CTTN: variants seen among roughly 807,000 people sequenced by gnomAD.
CTTN encodes the protein src substrate cortactin.
Under a neutral mutation model 84.0 loss-of-function variants are expected in CTTN, and 28 were observed. The observed-to-expected ratio is 0.33, with a 90% confidence interval of 0.25 to 0.46. CTTN has a LOEUF of 0.46. Ranked by LOEUF, CTTN falls within the 20% of genes least tolerant of loss-of-function variation. The pLI is 1.00. For synonymous variants in CTTN, 301 were observed against 288.8 expected (o/e 1.04, Z -0.43); for missense variants, 641 against 723.8 (o/e 0.89, Z 1.31).
rs775802735 is a variant in CTTN, at chr11:70,407,284, G to A, written c.1-14G>A. On this transcript the variant is annotated splice_polypyrimidine_tract_variant and intron_variant, in intron 2 of 17. Coordinates refer to ENST00000301843, the MANE Select transcript of CTTN (RefSeq NM_005231.4). ...CCCTGAGGCCTCCGTAACCCTCCCC[G>A]GCTGCTCTTTCAGATGTGGAAAGCT... 28 of 1,549,492 alleles carry A rather than the reference G, an allele frequency of 1.8e-5. No individual in the cohort carries two copies. Among genetic ancestry groups the A allele is most frequent in the Non-Finnish European group, 2.3e-5 (26 of 1,146,738 alleles).
At chr11:70,425,507 C>A in intron 13 of CTTN, 106 bp downstream of exon 13, 2 of 784,116 alleles carry the variant, frequency 2.6e-6, no homozygotes, top group Non-Finnish European at 4.3e-6. Context: ...TAGTTGAAAG[C>A]GTGGTTGTTG....
intron 5 of CTTN, 61 bp downstream of exon 5, chr11:70,410,021 G>A (rs966468514): frequency 6.3e-7 from 1 of 1,584,984 alleles, no homozygotes; most frequent in Non-Finnish European, 8.6e-7. Flanking sequence ...TAGACTGGGT[G>A]GCAGAGTCGT....
intron 9 of CTTN, chr11:70,420,189 G>A: frequency 1.7e-6 from 1 of 604,046 alleles, no homozygotes; most frequent in Middle Eastern, 3.9e-4. Flanking sequence ...GTCTGGCTTA[G>A]TCACGATGCT....
Position 70,435,071 on chromosome 11 carries a change from A to G in CTTN, c.1562A>G (p.Asn521Ser). 6.2e-7 allele frequency: 1 copy of G among 1,614,056 alleles called. No homozygotes were observed. Among genetic ancestry groups the G allele is most frequent in the Non-Finnish European group, 8.5e-7 (1 of 1,180,014 alleles). Reference protein sequence around the residue: ...ISFDPDDIITNIEMIDDGWWR... With the variant: ...ISFDPDDIITSIEMIDDGWWR... ...TTTGACCCTGATGACATCATCACCA[A>G]CATCGAGATGATTGACGACGGCTGG... Residue 521 changes from asparagine to serine, a missense_variant, in exon 18 of 18, where the codon AAC (asparagine) becomes AGC (serine). This residue lies in a region of CTTN where 68 missense variants were observed against 102.2 expected (regional missense o/e 0.67). Transcript: ENST00000301843.
intron 13 of CTTN, among the ~76,000 whole-genome samples, chr11:70,425,748 G>T (rs1205915988): frequency 2.6e-5 from 4 of 152,208 alleles, no homozygotes; most frequent in Non-Finnish European, 1.5e-5. Context: ...GAGCCGCTCG[G>T]TCGCAGCTGT....
At chr11:70,409,539 G>C (rs1393413521) in intron 4 of CTTN, among the ~76,000 whole-genome samples, 2 of 152,228 alleles carry the variant, frequency 1.3e-5, no homozygotes, top group South Asian at 2.1e-4. Context: ...TAAAGGTCAG[G>C]CTTCAGTAGA....
chr11:70,405,064 T>C (rs1215492799), intron 1 of CTTN, among the ~76,000 whole-genome samples: 2 of 152,248 alleles, frequency 1.3e-5, no homozygotes, highest in Non-Finnish European at 2.9e-5. Flanking sequence ...TTAAAACTTA[T>C]TTCTTTAGTT....
At chr11:70,411,422 C>T (rs2058095424) in intron 5 of CTTN, among the ~76,000 whole-genome samples, 2 of 151,344 alleles carry the variant, frequency 1.3e-5, no homozygotes, top group African/African-American at 4.9e-5. Context: ...TTCAGTGCAG[C>T]GAGCGAAGCG....
intron 5 of CTTN, 46 bp from the exon 6 acceptor site, chr11:70,414,496 G>T (rs538277323): frequency 7.9e-6 from 11 of 1,390,958 alleles, no homozygotes; most frequent in African/African-American, 1.4e-5. Context: ...GTGAAGCGCC[G>T]CAGTGTTGTT....
Position 70,435,303 on chromosome 11 carries a change from A to G in CTTN, c.*141A>G. ...TGAAGGTGGGGAGGGGAATATACAC[A>G]TTGCTTTTATATTTAATACTTTTGC... On this transcript the variant is annotated 3_prime_UTR_variant, in exon 18 of 18. Coordinates refer to ENST00000301843, the MANE Select transcript of CTTN (RefSeq NM_005231.4). 2 of 1,355,040 alleles carry G rather than the reference A, an allele frequency of 1.5e-6. No homozygotes were observed. The highest frequency in any genetic ancestry group is 1.9e-6 in the Non-Finnish European group (2 of 1,060,034). The allele number at this position is 1,355,040 out of a possible 1,614,324, so 83.9% of individuals were successfully genotyped here. A position where few individuals can be genotyped will look rare whatever the true frequency, so the allele number is the denominator to read the frequency against.
chr11:70,434,522 G>A (rs1013264724), intron 17 of CTTN, among the ~76,000 whole-genome samples: 8 of 152,282 alleles, frequency 5.3e-5, no homozygotes, highest in African/African-American at 1.9e-4. Flanking sequence ...TTTTGCACAC[G>A]TGCATTTGCG....
In CTTN at chr11:70,425,371, G is replaced by C; in HGVS notation, c.997G>C (p.Ala333Pro). 1 of 1,612,734 alleles carries C rather than the reference G, an allele frequency of 6.2e-7. No individual in the cohort carries two copies. Among genetic ancestry groups the C allele is most frequent in the Non-Finnish European group, 8.5e-7 (1 of 1,179,458 alleles). The change falls in exon 13 of 18, where the codon GCC becomes CCC. Residue 333 changes from alanine (A) to proline (P), a missense_variant. Around this residue, in one of 3 missense-constraint regions of CTTN, gnomAD observed 289 missense variants for 273.1 expected, o/e 1.06. Transcript: ENST00000301843. Reference sequence around the variant, plus strand: ...TGAGGATGTCACCCAGGTGTCCTCTGCCTACCAGAAGACAGTACCTGTCGA... The same window carrying C: ...TGAGGATGTCACCCAGGTGTCCTCTCCCTACCAGAAGACAGTACCTGTCGA... ...TFEDVTQVSSAYQKTVPVEAV... is the reference protein window; with the variant it reads ...TFEDVTQVSSPYQKTVPVEAV...
rs1457398302 is a variant in CTTN at position 70,411,259 on chromosome 11, A to G, written c.291+1299A>G. 7.7e-5 allele frequency among the ~76,000 whole-genome samples: 9 copies of G among 117,496 alleles called. No homozygotes were observed. In the East Asian group the frequency reaches 1.1e-3, roughly 14 times the overall value. The allele number at this position is 117,496 out of a possible 152,430, so 77.1% of individuals were successfully genotyped here. The stretch of plus-strand genomic sequence containing the variant: ...GTGTGCACACGGACAGACGGAATCC[A>G]TGTGTTCAGTGCAGCGAGCGAAGCG... On this transcript the variant is annotated intron_variant, in intron 5 of 17. Coordinates refer to ENST00000301843, the MANE Select transcript of CTTN (RefSeq NM_005231.4).
intron 2 of CTTN, 152 bp from the exon 3 acceptor site, chr11:70,407,146 C>T (rs1434495477): frequency 1.7e-6 from 1 of 597,904 alleles, no homozygotes; most frequent in Non-Finnish European, 2.9e-6. Flanking sequence ...GGTTGTCAGT[C>T]AGGCTTATGG....
Position 70,435,353 on chromosome 11 carries a change from C to A in CTTN, c.*191C>A. ...CTGATGCTTTTGAAAATGTTTATGC[C>A]ACAGAATTTGCTAATATATTGTAAT... On this transcript the variant is annotated 3_prime_UTR_variant, in exon 18 of 18. Transcript: ENST00000301843. The A allele has an allele frequency of 6.8e-7, 1 of 1,462,906 alleles. No homozygotes were observed. Among genetic ancestry groups the A allele is most frequent in the Non-Finnish European group, 9.0e-7 (1 of 1,115,292 alleles). The allele number at this position is 1,462,906 out of a possible 1,614,324, so 90.6% of individuals were successfully genotyped here. A position where few individuals can be genotyped will look rare whatever the true frequency, so the allele number is the denominator to read the frequency against.
intron 7 of CTTN, 155 bp from the exon 8 acceptor site, chr11:70,416,858 C>G: frequency 3.1e-6 from 2 of 642,938 alleles, no homozygotes; most frequent in African/African-American, 1.8e-5. Flanking sequence ...CCAGCGTCAC[C>G]TGTATGGAGC....
chr11:70,411,578 G>A (rs575128255), intron 5 of CTTN, among the ~76,000 whole-genome samples: 7 of 152,340 alleles, frequency 4.6e-5, no homozygotes, highest in African/African-American at 1.4e-4. Flanking sequence ...TTCTAAAAAT[G>A]GGGCTCCCTG....
chr11:70,431,652 C>T (rs1406329464), intron 15 of CTTN, among the ~76,000 whole-genome samples: 1 of 152,098 alleles, frequency 6.6e-6, no homozygotes, highest in Non-Finnish European at 1.5e-5. Flanking sequence ...GGCAGTGCTG[C>T]CCTCCTTCAT....
chr11:70,433,104 G>T lies in CTTN; in HGVS notation c.1270G>T (p.Ala424Ser). 1.2e-6 allele frequency: 2 copies of T among 1,613,250 alleles called. No individual in the cohort carries two copies. The highest frequency in any genetic ancestry group is 1.7e-6 in the Non-Finnish European group (2 of 1,179,772). The change falls in exon 16 of 18, where the codon GCG becomes TCG. Residue 424 changes from alanine to serine, a missense_variant. Transcript: ENST00000301843. ...RLPSSPVYED[A>S]ASFKAELSYR... ...TGTGCGTGTGACCCTTCCCCAGGAT[G>T]CGGCTTCCTTCAAGGCAGAGCTGAG...
Sources: gnomAD v4.1 joint callset for allele counts (sites outside exome capture counted in the v4.1 genomes callset) on GRCh38, gnomAD v4.1.1 for gene constraint, gnomAD v4.1.1 regional missense constraint, MANE v1.5 for transcripts, NCBI Gene and HGNC (gene_info 2026-07-23, HGNC 2026-07-21) for gene names.